XKR4: variants seen among roughly 807,000 people sequenced by gnomAD.
The protein encoded by XKR4 is XK-related protein 4.
XKR4 carries 12 observed loss-of-function variants against 53.9 expected under a neutral mutation model. The observed-to-expected ratio is 0.22, with a 90% confidence interval of 0.14 to 0.36. XKR4 has a LOEUF of 0.36. XKR4 is among the 10% of genes least tolerant of loss of function. XKR4 has a pLI of 1.00. For missense variants in XKR4, 799 were observed against 859.5 expected, an observed-to-expected ratio of 0.93 and a Z score of 0.88; for synonymous variants, 354 against 362.4, an observed-to-expected ratio of 0.98 and a Z score of 0.26.
At chr8:55,210,572 G>A (rs1246218380) in intron 1 of XKR4, among the ~76,000 whole-genome samples, 1 of 152,162 alleles carries the variant, frequency 6.6e-6, no homozygotes, top group East Asian at 1.9e-4. Context: ...ATTATAAAAA[G>A]AAGAAAAACT....
At chr8:55,499,777 G>C (rs147214915) in intron 2 of XKR4, among the ~76,000 whole-genome samples, 295 of 152,298 alleles carry the variant, frequency 1.9e-3, no homozygotes, top group African/African-American at 6.9e-3. Flanking sequence ...TGAATATCCA[G>C]CTGTTGCGCT....
At chr8:55,507,485 A>G (rs190726271) in intron 2 of XKR4, among the ~76,000 whole-genome samples, 24 of 152,180 alleles carry the variant, frequency 1.6e-4, no homozygotes, top group East Asian at 1.9e-4. Flanking sequence ...ATATCTCCCA[A>G]TGCTATCCCT....
chr8:55,523,357 A>C lies in XKR4; in HGVS notation c.1083A>C (p.Arg361=). Residue 361 remains arginine, a synonymous_variant, in exon 3 of 3, where the codon CGA becomes CGC. Transcript: ENST00000327381. ...ACCAGAAGGCCCTCCGGGACTCTCGAGATGACAAGAAGCCCATCAGCTACA... is the reference window on the plus strand; with the variant it reads ...ACCAGAAGGCCCTCCGGGACTCTCGCGATGACAAGAAGCCCATCAGCTACA... ...ASYQKALRDS[R]DDKKPISYMA... is the part of the protein sequence containing the mutation. 1 of 1,614,178 alleles carries C rather than the reference A, an allele frequency of 6.2e-7. No individual in the cohort carries two copies. The highest frequency in any genetic ancestry group is 8.5e-7 in the Non-Finnish European group (1 of 1,180,020).
chr8:55,458,169 T>G lies in XKR4; in HGVS notation c.1007-65112T>G, dbSNP rs187777309. ...ATTTGGCAATGCAAAATACTTAGAA[T>G]AGCCTAAACAGTTTTGAATAAGAAA... On this transcript the variant is annotated intron_variant, in intron 2 of 2. Coordinates refer to ENST00000327381, the MANE Select transcript of XKR4 (RefSeq NM_052898.2). Among the ~76,000 whole-genome samples the G allele has an allele frequency of 2.9e-3, 448 of 152,360 alleles. 3 individuals carry two copies. The highest frequency in any genetic ancestry group is 9.8e-3 in the African/African-American group (409 of 41,586).
chr8:55,204,979 G>A lies in XKR4; in HGVS notation c.806+101685G>A, dbSNP rs1817625944. Among the ~76,000 whole-genome samples the A allele has an allele frequency of 1.3e-5, 2 of 152,172 alleles. 1 individual carries two copies. Among genetic ancestry groups the A allele is most frequent in the South Asian group, 4.1e-4 (2 of 4,830 alleles). On this transcript the variant is annotated intron_variant, in intron 1 of 2. Coordinates refer to ENST00000327381, the MANE Select transcript of XKR4 (RefSeq NM_052898.2). ...GGCCCTTGGTGCCTGGCTAGGCACT[G>A]ACTCAGATCATGTGTCAGGCGTAAT... is the stretch of plus-strand genomic sequence containing the variant.
intron 1 of XKR4, among the ~76,000 whole-genome samples, chr8:55,304,056 C>T (rs190169460): frequency 2.6e-5 from 4 of 152,008 alleles, no homozygotes; most frequent in South Asian, 4.2e-4. Context: ...AATGTGTTTG[C>T]TTCTTGCTTT....
At chr8:55,458,299 C>G (rs971636449) in intron 2 of XKR4, among the ~76,000 whole-genome samples, 1 of 152,220 alleles carries the variant, frequency 6.6e-6, no homozygotes, top group Non-Finnish European at 1.5e-5. Flanking sequence ...GTCTCAACCC[C>G]TCATGGGAGG....
chr8:55,508,426 T>C (rs754244482), intron 2 of XKR4, among the ~76,000 whole-genome samples: 27 of 152,232 alleles, frequency 1.8e-4, no homozygotes, highest in Non-Finnish European at 3.4e-4. Flanking sequence ...ATTTTCTGTT[T>C]CTGGAAGTGC....
chr8:55,538,010 T>A lies in XKR4; in HGVS notation c.*13783T>A, dbSNP rs1192119322. 6.6e-6 allele frequency: 1 copy of A among 152,244 alleles called. No individual in the cohort carries two copies. Among genetic ancestry groups the A allele is most frequent in the Non-Finnish European group, 1.5e-5 (1 of 68,046 alleles). 9.4% of individuals were successfully genotyped at this position (152,244 alleles called of 1,614,324 possible). ...TGATCTTTGGTAGTACGATAATCAA[T>A]GGAATTTATGGTGTCGTAGAAAACC... On this transcript the variant is annotated 3_prime_UTR_variant, in exon 3 of 3. Transcript: ENST00000327381.
intron 1 of XKR4, among the ~76,000 whole-genome samples, chr8:55,311,829 C>CAAAAAAAAAAAAAAAAA (rs57826022): frequency 6.8e-4 from 67 of 98,520 alleles, no homozygotes; most frequent in Non-Finnish European, 9.0e-4. Flanking sequence ...TGTAATTTAG[C>CAAAAAAAAAAAAAAAAA]AAAAAAAAAA....
intron 1 of XKR4, among the ~76,000 whole-genome samples, chr8:55,141,671 C>CTCTCTCTCTCTCTCTCTCTCTCTCTGTG (rs748708972): frequency 1.8e-4 from 24 of 135,290 alleles, no homozygotes; most frequent in East Asian, 6.7e-4. Flanking sequence ...CTCTCTCTCT[C>CTCTCTCTCTCTCTCTCTCTCTCTCTGTG]TGTGTGTGTG....
intron 2 of XKR4, among the ~76,000 whole-genome samples, chr8:55,399,688 A>G (rs976323028): frequency 1.3e-5 from 2 of 152,178 alleles, no homozygotes; most frequent in East Asian, 3.9e-4. Flanking sequence ...GTGCCAATGC[A>G]GCCATTGGGA....
intron 1 of XKR4, among the ~76,000 whole-genome samples, chr8:55,241,404 G>A (rs1037478493): frequency 6.6e-6 from 1 of 152,072 alleles, no homozygotes; most frequent in Non-Finnish European, 1.5e-5. Flanking sequence ...GTGAATAAGA[G>A]TTATTTTTTA....
At chr8:55,421,331 G>A (rs934605119) in intron 2 of XKR4, among the ~76,000 whole-genome samples, 2 of 152,210 alleles carry the variant, frequency 1.3e-5, no homozygotes, top group Non-Finnish European at 2.9e-5. Flanking sequence ...ACTTATCTTT[G>A]AAGTTTAAGT....
rs1314836826 is a variant in XKR4 at position 55,490,938 on chromosome 8, C to T, written c.1007-32343C>T. On this transcript the variant is annotated intron_variant, in intron 2 of 2. Coordinates refer to ENST00000327381, the MANE Select transcript of XKR4 (RefSeq NM_052898.2). ...CTTCCAATATTTTTTCTGCCCCCCC[C>T]CCACCTTTATGACATTCCAGTTACA... Among the ~76,000 whole-genome samples the T allele has an allele frequency of 2.6e-5, 4 of 151,954 alleles. No homozygotes were observed. The East Asian group carries it at 5.8e-4, about 22-fold the overall frequency.
chr8:55,378,143 A>C (rs1463352108), intron 2 of XKR4, among the ~76,000 whole-genome samples: 1 of 152,244 alleles, frequency 6.6e-6, no homozygotes, highest in Non-Finnish European at 1.5e-5. Flanking sequence ...TTTTGAAACA[A>C]GACTACATTA....
At chr8:55,367,186 A>T (rs1207469766) in intron 2 of XKR4, among the ~76,000 whole-genome samples, 1 of 152,046 alleles carries the variant, frequency 6.6e-6, no homozygotes, top group Admixed American at 6.5e-5. Flanking sequence ...TGAAAAAATT[A>T]GTTTTGCAAG....
chr8:55,391,953 C>T (rs541745153), intron 2 of XKR4, among the ~76,000 whole-genome samples: 2 of 152,138 alleles, frequency 1.3e-5, no homozygotes, highest in Non-Finnish European at 2.9e-5. Context: ...CATTTTGTAA[C>T]TCTCCTATAT....
At chr8:55,296,335 G>A (rs72645631) in intron 1 of XKR4, among the ~76,000 whole-genome samples, 5,872 of 152,266 alleles carry the variant, frequency 0.039, 186 homozygotes, top group Non-Finnish European at 0.055. Context: ...CTGCAAAATG[G>A]AGTCTTTGAC....
Sources: gnomAD v4.1 joint callset for allele counts (sites outside exome capture counted in the v4.1 genomes callset) on GRCh38, gnomAD v4.1.1 for gene constraint, MANE v1.5 for transcripts, NCBI Gene and HGNC (gene_info 2026-07-23, HGNC 2026-07-21) for gene names.